Variants in RAP1GAP2 observed in about 807,000 individuals in gnomAD.
The protein encoded by RAP1GAP2 is rap1 GTPase-activating protein 2.
In RAP1GAP2, 27 loss-of-function variants were observed where a neutral mutation model predicts 95.0. The observed-to-expected ratio is 0.28, with a 90% CI of 0.21 to 0.39. The LOEUF (loss-of-function observed/expected upper bound fraction) is 0.39. Among genes scored for constraint, RAP1GAP2 ranks in the 10% least tolerant of loss-of-function variants. The probability of loss-of-function intolerance (pLI) is 1.00; values close to 1 mark genes in which losing one functional copy is unlikely to be tolerated. For missense variants in RAP1GAP2, 771 were observed against 970.0 expected (o/e 0.79, Z 2.72); for synonymous variants, 373 against 380.9 (o/e 0.98, Z 0.24).
intron 2 of RAP1GAP2, among the ~76,000 whole-genome samples, chr17:2,820,226 C>G (rs2070222958): frequency 6.6e-6 from 1 of 152,134 alleles, no homozygotes; most frequent in South Asian, 2.1e-4. Context: ...AGTGGCTTTC[C>G]CCTTGCCTGG....
chr17:2,911,669 G>C (rs1298790226), intron 3 of RAP1GAP2, among the ~76,000 whole-genome samples: 1 of 113,940 alleles, frequency 8.8e-6, no homozygotes, highest in Non-Finnish European at 1.8e-5. Flanking sequence ...GAGAGGAGGG[G>C]GAAACGCTAT....
intron 23 of RAP1GAP2, among the ~76,000 whole-genome samples, chr17:3,031,594 G>A (rs1312469952): frequency 6.9e-6 from 1 of 144,848 alleles, no homozygotes; most frequent in African/African-American, 2.6e-5. Flanking sequence ...ATCCCTTCCT[G>A]AGCTCACCAG....
chr17:2,927,648 G>T (rs1299554060), intron 3 of RAP1GAP2, among the ~76,000 whole-genome samples: 2 of 152,210 alleles, frequency 1.3e-5, no homozygotes, highest in Non-Finnish European at 2.9e-5. Flanking sequence ...AGGTTTTGGG[G>T]ATTGGGACAA....
At chr17:2,858,207 CT>C (rs1330829255) in intron 2 of RAP1GAP2, among the ~76,000 whole-genome samples, 3 of 152,112 alleles carry the variant, frequency 2.0e-5, no homozygotes, top group Non-Finnish European at 4.4e-5. Flanking sequence ...AAGTCCACTT[CT>C]TATGGTGGGT....
intron 3 of RAP1GAP2, among the ~76,000 whole-genome samples, chr17:2,945,608 C>CT (rs542891688): frequency 0.014 from 1,957 of 140,688 alleles, 27 homozygotes; most frequent in African/African-American, 0.046. Flanking sequence ...TTAGCTATGT[C>CT]TTTTTTTTTT....
chr17:2,807,023 G>A (rs761726415), intron 2 of RAP1GAP2, among the ~76,000 whole-genome samples: 4 of 151,250 alleles, frequency 2.6e-5, no homozygotes, highest in Admixed American at 6.6e-5. Context: ...TCCCCATGCT[G>A]TGAGAATTAT....
intron 8 of RAP1GAP2, among the ~76,000 whole-genome samples, chr17:2,974,628 T>A (rs984148025): frequency 1.3e-5 from 2 of 152,050 alleles, no homozygotes; most frequent in Non-Finnish European, 2.9e-5. Flanking sequence ...AAAGGAGGCT[T>A]GAACTAAATT....
chr17:3,004,196 G>T lies in RAP1GAP2; in HGVS notation c.1201-1173G>T, dbSNP rs1258173558. On this transcript the variant is annotated intron_variant, in intron 14 of 24. Transcript: ENST00000254695. This position sits in a 1 kb window ranked among gnomAD's most constrained non-coding sequence, Gnocchi z 4.1. ...TAGGGAACCGGGTTCAGCTGCTGGA[G>T]CCCAGCCAGAAATCACGTCAGCCGA... Among the ~76,000 whole-genome samples, 2 of 152,248 alleles carry T rather than the reference G, an allele frequency of 1.3e-5. No individual in the cohort carries two copies. The highest frequency in any genetic ancestry group is 4.8e-5 in the African/African-American group (2 of 41,474).
intron 2 of RAP1GAP2, among the ~76,000 whole-genome samples, chr17:2,856,290 C>G (rs1415597669): frequency 6.6e-6 from 1 of 152,044 alleles, no homozygotes; most frequent in Non-Finnish European, 1.5e-5. Context: ...AGGAAAAGCC[C>G]CCTGCACAGA....
intron 2 of RAP1GAP2, among the ~76,000 whole-genome samples, chr17:2,879,363 G>A (rs990295492): frequency 3.4e-5 from 5 of 148,078 alleles, no homozygotes; most frequent in African/African-American, 9.9e-5. Flanking sequence ...TGATCCACCC[G>A]CCTCGGCCTC....
In RAP1GAP2 at chr17:2,950,040, T is replaced by C. The variant is rs941474183; in HGVS notation, c.166-7719T>C. Reference sequence around the variant, plus strand: ...GGCATCTTCATTCAGACCCATTTCTTTTCTTCTTCTTCTTCTTCTTCTTTT... The same window carrying C: ...GGCATCTTCATTCAGACCCATTTCTCTTCTTCTTCTTCTTCTTCTTCTTTT... On this transcript the variant is annotated intron_variant, in intron 3 of 24. Coordinates refer to ENST00000254695, the MANE Select transcript of RAP1GAP2 (RefSeq NM_015085.5). Among the ~76,000 whole-genome samples, 338 of 122,314 alleles carry C rather than the reference T, an allele frequency of 2.8e-3. 1 individual carries two copies. Among genetic ancestry groups the C allele is most frequent in the African/African-American group, 9.5e-3 (318 of 33,380 alleles). 80.2% of individuals were successfully genotyped at this position (122,314 alleles called of 152,430 possible).
chr17:2,957,236 T>C (rs2044149620), intron 3 of RAP1GAP2, among the ~76,000 whole-genome samples: 1 of 151,924 alleles, frequency 6.6e-6, no homozygotes, highest in African/African-American at 2.4e-5. Context: ...TGGTGCCTTG[T>C]GGGCAGGGGA....
intron 1 of RAP1GAP2, among the ~76,000 whole-genome samples, chr17:2,769,566 A>C (rs1190493168): frequency 5.3e-5 from 8 of 151,760 alleles, no homozygotes; most frequent in Admixed American, 5.3e-4. Context: ...AAAAAATAAA[A>C]TAAAATGAAA....
chr17:2,939,214 C>T (rs1478218352), intron 3 of RAP1GAP2, among the ~76,000 whole-genome samples: 1 of 152,048 alleles, frequency 6.6e-6, no homozygotes, highest in Non-Finnish European at 1.5e-5. Flanking sequence ...CTCACTCCCC[C>T]GAGTAGCTGG....
intron 1 of RAP1GAP2, among the ~76,000 whole-genome samples, chr17:2,781,974 T>C (rs2068673179): frequency 6.6e-6 from 1 of 152,176 alleles, no homozygotes; most frequent in Admixed American, 6.5e-5. Flanking sequence ...GTGTGCACTG[T>C]TGTGTGCTCT....
upstream of RAP1GAP2, among the ~76,000 whole-genome samples, chr17:2,794,467 G>C (rs2069013671): frequency 6.6e-6 from 1 of 152,160 alleles, no homozygotes; most frequent in South Asian, 2.1e-4. Context: ...CTCTGCAGTG[G>C]CCATCCTGTG....
At chr17:2,761,534 C>T (rs993351566) in intron 1 of RAP1GAP2, among the ~76,000 whole-genome samples, 4 of 151,886 alleles carry the variant, frequency 2.6e-5, no homozygotes, top group East Asian at 3.9e-4. Flanking sequence ...GTGATCTGCC[C>T]GCCTCGGCCT....
At position 2,899,198 on chromosome 17, in the gene RAP1GAP2, TTTTTATTTTA is replaced by T. The variant is rs562780693; in HGVS notation, c.81-6071_81-6062del. Among the ~76,000 whole-genome samples the T allele has an allele frequency of 3.0e-3, 461 of 152,272 alleles. 2 individuals are homozygous for T. The highest frequency in any genetic ancestry group is 0.01 in the African/African-American group (426 of 41,562). On this transcript the variant is annotated intron_variant, in intron 2 of 24. Transcript: ENST00000254695. ...GTCATAAGCTATCAGTTTGTTTTTA[TTTTTATTTTA>T]TTTTATTTTATTTTGAGACGGAGTC...
At chr17:2,840,532 T>G (rs2071331021) in intron 2 of RAP1GAP2, among the ~76,000 whole-genome samples, 1 of 152,104 alleles carries the variant, frequency 6.6e-6, no homozygotes, top group Non-Finnish European at 1.5e-5. Flanking sequence ...ATATTTTCTT[T>G]CTTTTCTTTT....
Sources: allele counts gnomAD v4.1 joint callset (sites outside exome capture counted in the v4.1 genomes callset), GRCh38; gene constraint gnomAD v4.1.1; non-coding constraint Gnocchi (gnomAD v3.1); transcripts MANE v1.5; gene names NCBI Gene and HGNC (gene_info 2026-07-23, HGNC 2026-07-21).